Variants in SMARCA2 observed in about 807,000 individuals in gnomAD.
SMARCA2 encodes the protein SWI/SNF related BAF chromatin remodeling complex subunit ATPase 2.
Under a neutral mutation model 199.8 loss-of-function variants are expected in SMARCA2, and 61 were observed. That is an observed-to-expected ratio of 0.31 (90% CI 0.25 to 0.38). SMARCA2 has a LOEUF of 0.38. Among genes scored for constraint, SMARCA2 ranks in the 10% least tolerant of loss-of-function variants. The pLI, the probability that SMARCA2 is intolerant of heterozygous loss-of-function variation, is 1.00. For missense variants in SMARCA2, 1,344 were observed against 2,012.2 expected (o/e 0.67, Z 6.35); for synonymous variants, 935 against 732.0 (o/e 1.28, Z -4.48).
chr9:2,156,633 G>A (rs915013640), intron 27 of SMARCA2, among the ~76,000 whole-genome samples: 5 of 152,014 alleles, frequency 3.3e-5, no homozygotes, highest in African/African-American at 7.3e-5. Context: ...GCTTCTCCAT[G>A]TTGGTTAGGC....
At chr9:2,023,808 A>G (rs1818706911) in intron 1 of SMARCA2, among the ~76,000 whole-genome samples, 1 of 152,206 alleles carries the variant, frequency 6.6e-6, no homozygotes, top group Non-Finnish European at 1.5e-5. Context: ...TTATCAATTC[A>G]TTTACAGAGA....
chr9:2,116,056 G>C lies in SMARCA2; in HGVS notation c.3684+7G>C, dbSNP rs199830816. On this transcript the variant is annotated splice_region_variant and intron_variant, in intron 25 of 33. Transcript: ENST00000349721. ...GCATGAGGAGGAAAATGAGGTATTA[G>C]AGAAAACCCCAAGTTTATGAAATCA... is the stretch of plus-strand genomic sequence containing the variant. 4 of 1,591,112 alleles carry C rather than the reference G, an allele frequency of 2.5e-6. No individual in the cohort carries two copies. Among genetic ancestry groups the C allele is most frequent in the Non-Finnish European group, 1.7e-6 (2 of 1,159,678 alleles).
chr9:2,086,509 G>T lies in SMARCA2; in HGVS notation c.2527-320G>T, dbSNP rs1178280416. Among the ~76,000 whole-genome samples the T allele has an allele frequency of 6.6e-6, 1 of 152,092 alleles. No homozygotes were observed. The highest frequency in any genetic ancestry group is 1.5e-5 in the Non-Finnish European group (1 of 68,020). ...TCATGATAACGTATTAATAGAAGGGGCATTGGATGGGGAGAGGCAGGATCC... is the reference window on the plus strand; with the variant it reads ...TCATGATAACGTATTAATAGAAGGGTCATTGGATGGGGAGAGGCAGGATCC... On this transcript the variant is annotated intron_variant, in intron 17 of 33. Transcript: ENST00000349721. This position sits in a 1 kb window ranked among gnomAD's most constrained non-coding sequence, Gnocchi z 4.3.
Position 2,044,438 on chromosome 9 carries a change from A to G in SMARCA2, c.791-2791A>G, listed in dbSNP as rs1449742821. ...AAGAGTACTCCCAAAGTTGCCAGCT[A>G]ATATGGTACCGAATTTCCTGAAAGA... On this transcript the variant is annotated intron_variant, in intron 4 of 33. Coordinates refer to ENST00000349721, the MANE Select transcript of SMARCA2 (RefSeq NM_003070.5). The G allele has an allele frequency of 1.2e-4, 19 of 152,274 alleles. 1 individual carries two copies. Among genetic ancestry groups the G allele is most frequent in the Admixed American group, 1.2e-3 (19 of 15,286 alleles). The allele number at this position is 152,274 out of a possible 1,614,324, so 9.4% of individuals were successfully genotyped here. A position where few individuals can be genotyped will look rare whatever the true frequency, so the allele number is the denominator to read the frequency against.
intron 9 of SMARCA2, among the ~76,000 whole-genome samples, chr9:2,061,375 G>A (rs1383486929): frequency 1.3e-5 from 2 of 152,202 alleles, no homozygotes; most frequent in African/African-American, 2.4e-5. Flanking sequence ...CAGTGTACAG[G>A]TTGGAAGAAG....
intron 27 of SMARCA2, chr9:2,160,394 G>T: frequency 1.9e-6 from 1 of 539,582 alleles, no homozygotes; most frequent in Non-Finnish European, 3.3e-6. Flanking sequence ...TTGCACATTG[G>T]AGGATGCGTA....
At chr9:2,068,580 C>T (rs1298563445) in intron 9 of SMARCA2, among the ~76,000 whole-genome samples, 2 of 152,090 alleles carry the variant, frequency 1.3e-5, no homozygotes, top group Non-Finnish European at 2.9e-5. Context: ...GAAGGCAAAA[C>T]GTATTATATA....
At chr9:2,048,930 A>G (rs915342224) in intron 5 of SMARCA2, among the ~76,000 whole-genome samples, 1 of 152,260 alleles carries the variant, frequency 6.6e-6, no homozygotes, top group African/African-American at 2.4e-5. Flanking sequence ...GAGTTTTTAA[A>G]AAGCTAAAAG....
intron 24 of SMARCA2, among the ~76,000 whole-genome samples, chr9:2,113,769 T>A (rs1035743779): frequency 1.3e-5 from 2 of 152,224 alleles, no homozygotes; most frequent in Admixed American, 1.3e-4. Flanking sequence ...TCACCTGTTC[T>A]ATTCATATTC....
At chr9:2,047,123 C>A in intron 4 of SMARCA2, 106 bp from the exon 5 acceptor site, 3 of 800,998 alleles carry the variant, frequency 3.7e-6, no homozygotes, top group Non-Finnish European at 4.5e-6. Flanking sequence ...GTGTTTAAGA[C>A]ACTTAATGGT....
rs1012818392 is a variant in SMARCA2 at position 2,115,670 on chromosome 9, C to G, written c.3457-152C>G. The G allele has an allele frequency of 4.7e-6, 3 of 643,010 alleles. No individual in the cohort carries two copies. The highest frequency in any genetic ancestry group is 2.1e-5 in the South Asian group (1 of 48,238). 39.8% of individuals were successfully genotyped at this position (643,010 alleles called of 1,614,324 possible). A position where few individuals can be genotyped will look rare whatever the true frequency, so the allele number is the denominator to read the frequency against. ...AGGAATGACACTGAATTTTTCCAAA[C>G]GTAGCTTGTGTGTTTTTAAAATGTA... On this transcript the variant is annotated intron_variant, in intron 24 of 33. Coordinates refer to ENST00000349721, the MANE Select transcript of SMARCA2 (RefSeq NM_003070.5). This position sits in a 1 kb window ranked among gnomAD's most constrained non-coding sequence, Gnocchi z 6.0.
intron 12 of SMARCA2, chr9:2,075,413 A>G (rs1198288177): frequency 1.3e-5 from 2 of 152,264 alleles, no homozygotes; most frequent in Non-Finnish European, 2.9e-5. Flanking sequence ...AGTGGACAGA[A>G]TGGACACTTA....
At chr9:2,075,823 A>G (rs989779190) in intron 12 of SMARCA2, among the ~76,000 whole-genome samples, 2 of 152,178 alleles carry the variant, frequency 1.3e-5, no homozygotes, top group East Asian at 1.9e-4. Context: ...GCACCCAGCC[A>G]TCAGAGAGAG....
chr9:2,093,243 A>G (rs13301716), intron 19 of SMARCA2, among the ~76,000 whole-genome samples: 13,618 of 152,326 alleles, frequency 0.089, 805 homozygotes, highest in Admixed American at 0.15. Context: ...GGTACCCAGT[A>G]TGTACACATG....
intron 29 of SMARCA2, among the ~76,000 whole-genome samples, chr9:2,181,037 C>A (rs1044284798): frequency 6.7e-6 from 1 of 150,344 alleles, no homozygotes; most frequent in Non-Finnish European, 1.5e-5. Flanking sequence ...AGGAATAAGA[C>A]CAAGAAAATA....
At chr9:2,145,593 G>T (rs1824702495) in intron 27 of SMARCA2, among the ~76,000 whole-genome samples, 1 of 152,164 alleles carries the variant, frequency 6.6e-6, no homozygotes, top group African/African-American at 2.4e-5. Context: ...GATGCAGAGA[G>T]TTTGATGCTA....
intron 9 of SMARCA2, among the ~76,000 whole-genome samples, chr9:2,069,749 A>T (rs1257590003): frequency 2.0e-5 from 3 of 152,086 alleles, no homozygotes; most frequent in African/African-American, 4.8e-5. Flanking sequence ...GTCATAGCTT[A>T]TTCTTTTTTT....
Position 2,123,596 on chromosome 9 carries a change from A to T in SMARCA2, c.3763-123A>T, listed in dbSNP as rs1300733460. ...GATGAGCTAGAACAAGCCAACCAGG[A>T]TGAGAGAGGTTGAAAGGGACCCTGC... On this transcript the variant is annotated intron_variant, in intron 26 of 33. Coordinates refer to ENST00000349721, the MANE Select transcript of SMARCA2 (RefSeq NM_003070.5). This position sits in a 1 kb window ranked among gnomAD's most constrained non-coding sequence, Gnocchi z 4.1. 1 of 812,522 alleles carries T rather than the reference A, an allele frequency of 1.2e-6. No homozygotes were observed. The highest frequency in any genetic ancestry group is 2.1e-6 in the Non-Finnish European group (1 of 479,436). 50.3% of individuals were successfully genotyped at this position (812,522 alleles called of 1,614,324 possible).
intron 1 of SMARCA2, among the ~76,000 whole-genome samples, chr9:2,019,249 A>T (rs1818497658): frequency 1.3e-5 from 2 of 152,144 alleles, no homozygotes; most frequent in Non-Finnish European, 2.9e-5. Flanking sequence ...GGGGTATCAG[A>T]ACCCTTGAAG....
Sources: gnomAD v4.1 joint callset for allele counts (sites outside exome capture counted in the v4.1 genomes callset) on GRCh38, gnomAD v4.1.1 for gene constraint, Gnocchi (gnomAD v3.1) non-coding constraint, MANE v1.5 for transcripts, NCBI Gene and HGNC (gene_info 2026-07-23, HGNC 2026-07-21) for gene names.